Variants in BMPR2 observed in about 807,000 individuals in gnomAD.
BMPR2 encodes the protein bone morphogenetic protein receptor type 2, also known as bone morphogenetic protein receptor type-2.
BMPR2 carries 29 observed loss-of-function variants against 100.8 expected under a neutral mutation model. The ratio of observed to expected loss-of-function variants is 0.29; its 90% confidence interval spans 0.21 to 0.39. The LOEUF (loss-of-function observed/expected upper bound fraction) is 0.39, where lower values mean the gene tolerates loss of function less well. BMPR2 is among the 10% of genes least tolerant of loss of function. The probability of loss-of-function intolerance (pLI) is 1.00; values close to 1 mark genes in which losing one functional copy is unlikely to be tolerated. For missense variants in BMPR2, 1,011 were observed against 1,274.5 expected (o/e 0.79, Z 3.15); for synonymous variants, 382 against 442.3 (o/e 0.86, Z 1.71).
chr2:202,432,145 C>T (rs1225523877), intron 1 of BMPR2, among the ~76,000 whole-genome samples: 1 of 150,738 alleles, frequency 6.6e-6, no homozygotes, highest in Non-Finnish European at 1.5e-5. Context: ...ATGTTATTAA[C>T]TCTCTTCCCT....
intron 3 of BMPR2, among the ~76,000 whole-genome samples, chr2:202,502,768 G>A (rs1332092408): frequency 1.3e-5 from 2 of 152,210 alleles, no homozygotes; most frequent in South Asian, 2.1e-4. Flanking sequence ...CTAACCAGTC[G>A]GGGGTAGCAC....
intron 1 of BMPR2, among the ~76,000 whole-genome samples, chr2:202,391,091 C>T (rs1690539564): frequency 6.8e-6 from 1 of 146,366 alleles, no homozygotes; most frequent in Non-Finnish European, 1.5e-5. Flanking sequence ...ATTCTTCTGC[C>T]TCAGGCTCCC....
intron 1 of BMPR2, among the ~76,000 whole-genome samples, chr2:202,443,802 C>T (rs987027352): frequency 2.7e-5 from 4 of 150,370 alleles, no homozygotes; most frequent in Non-Finnish European, 5.9e-5. Context: ...GATATATTAC[C>T]TTGTAATTGC....
intron 1 of BMPR2, among the ~76,000 whole-genome samples, chr2:202,385,491 G>C (rs1240422176): frequency 6.8e-6 from 1 of 146,794 alleles, no homozygotes; most frequent in Non-Finnish European, 1.5e-5. Flanking sequence ...TCAGCCGCCC[G>C]AGTAGCTGGG....
chr2:202,492,700 CAAAA>C (rs1166246933), intron 3 of BMPR2, among the ~76,000 whole-genome samples: 164 of 52,786 alleles, frequency 3.1e-3, no homozygotes, highest in African/African-American at 0.013. Flanking sequence ...AGCTCTGTCT[CAAAA>C]AAAAAAAAAA....
At chr2:202,410,174 G>T (rs1359194813) in intron 1 of BMPR2, among the ~76,000 whole-genome samples, 1 of 151,986 alleles carries the variant, frequency 6.6e-6, no homozygotes, top group African/African-American at 2.4e-5. Context: ...CTGTAGAGAT[G>T]GGATTTGGTC....
At chr2:202,445,861 G>A (rs978805156) in intron 1 of BMPR2, among the ~76,000 whole-genome samples, 2 of 140,130 alleles carry the variant, frequency 1.4e-5, no homozygotes, top group East Asian at 2.1e-4. Context: ...TGCAACTTCC[G>A]CCTCCTAGGT....
chr2:202,527,711 C>T (rs948571783), intron 7 of BMPR2, among the ~76,000 whole-genome samples: 1 of 150,532 alleles, frequency 6.6e-6, no homozygotes, highest in African/African-American at 2.5e-5. Flanking sequence ...GGCGTGAACC[C>T]GGGAAGCGGA....
chr2:202,470,392 T>C (rs1419744616), intron 3 of BMPR2, among the ~76,000 whole-genome samples: 1 of 152,098 alleles, frequency 6.6e-6, no homozygotes, highest in Non-Finnish European at 1.5e-5. Context: ...AAAAATGATT[T>C]ATCCCAAGAC....
chr2:202,491,724 C>A (rs1251602489), intron 3 of BMPR2, among the ~76,000 whole-genome samples: 1 of 152,160 alleles, frequency 6.6e-6, no homozygotes, highest in Non-Finnish European at 1.5e-5. Flanking sequence ...TTTACTAACT[C>A]TGGCCTGCCT....
At chr2:202,399,506 A>G (rs1241327281) in intron 1 of BMPR2, among the ~76,000 whole-genome samples, 2 of 152,254 alleles carry the variant, frequency 1.3e-5, no homozygotes, top group South Asian at 2.1e-4. Flanking sequence ...TTTGTAGGCC[A>G]TAGTAAAGAT....
At position 202,552,700 on chromosome 2, in the gene BMPR2, G is replaced by A; in HGVS notation, c.1414-16G>A. Reference sequence around the variant, plus strand: ...TTTTTAAAGACACATGGTTTGACATGTACTTTGTCTTACAGGCAGTGAGGT... The same window carrying A: ...TTTTTAAAGACACATGGTTTGACATATACTTTGTCTTACAGGCAGTGAGGT... On this transcript the variant is annotated splice_polypyrimidine_tract_variant and intron_variant, in intron 10 of 12. Coordinates refer to ENST00000374580, the MANE Select transcript of BMPR2 (RefSeq NM_001204.7). The A allele has an allele frequency of 6.2e-7, 1 of 1,613,580 alleles. No individual in the cohort carries two copies. The highest frequency in any genetic ancestry group is 8.5e-7 in the Non-Finnish European group (1 of 1,179,656).
intron 1 of BMPR2, among the ~76,000 whole-genome samples, chr2:202,455,288 C>T (rs564180893): frequency 4.0e-4 from 61 of 152,168 alleles, no homozygotes; most frequent in Non-Finnish European, 7.8e-4. Flanking sequence ...TGGTTCACAC[C>T]TGTAATCCCA....
At chr2:202,435,386 T>C (rs967245416) in intron 1 of BMPR2, among the ~76,000 whole-genome samples, 1 of 136,838 alleles carries the variant, frequency 7.3e-6, no homozygotes, top group Non-Finnish European at 1.6e-5. Flanking sequence ...CATATATATA[T>C]ATATATATAT....
chr2:202,446,994 G>T (rs1019463742), intron 1 of BMPR2, among the ~76,000 whole-genome samples: 1 of 149,148 alleles, frequency 6.7e-6, no homozygotes, highest in Non-Finnish European at 1.5e-5. Context: ...TGTTTAATAC[G>T]GTCTTTCCCC....
At chr2:202,556,944 G>C (rs923233133) in intron 12 of BMPR2, among the ~76,000 whole-genome samples, 12 of 151,784 alleles carry the variant, frequency 7.9e-5, no homozygotes, top group Non-Finnish European at 1.8e-4. Flanking sequence ...TTAGCCAGGC[G>C]TGGTGGCGTG....
chr2:202,494,800 C>T (rs1319060140), intron 3 of BMPR2, among the ~76,000 whole-genome samples: 1 of 152,212 alleles, frequency 6.6e-6, no homozygotes, highest in Non-Finnish European at 1.5e-5. Flanking sequence ...CGTGAATACA[C>T]ATATTGAAAT....
intron 3 of BMPR2, among the ~76,000 whole-genome samples, chr2:202,483,438 A>C: frequency 6.6e-6 from 1 of 151,008 alleles, no homozygotes; most frequent in Non-Finnish European, 1.5e-5. Context: ...CTGGAGTGCA[A>C]TGGTGTCATC....
intron 1 of BMPR2, among the ~76,000 whole-genome samples, chr2:202,394,213 A>T (rs773398914): frequency 6.6e-6 from 1 of 152,048 alleles, no homozygotes; most frequent in African/African-American, 2.4e-5. Context: ...TTAGATGGGC[A>T]TGGCGGCAGG....
Sources: gnomAD v4.1 joint callset for allele counts (sites outside exome capture counted in the v4.1 genomes callset) on GRCh38, gnomAD v4.1.1 for gene constraint, MANE v1.5 for transcripts, NCBI Gene and HGNC (gene_info 2026-07-23, HGNC 2026-07-21) for gene names.